The following TENM3 variants were observed in gnomAD, a reference collection of about 807,000 sequenced individuals.
TENM3 encodes the protein teneurin transmembrane protein 3.
In TENM3, 63 loss-of-function variants were observed where a neutral mutation model predicts 255.1. The ratio of observed to expected loss-of-function variants is 0.25; its 90% confidence interval spans 0.20 to 0.30. The LOEUF is 0.30. Among genes scored for constraint, TENM3 ranks in the 10% least tolerant of loss-of-function variants. The pLI, the probability that TENM3 is intolerant of heterozygous loss-of-function variation, is 1.00. For missense variants in TENM3, 2,929 were observed against 3,461.1 expected, an observed-to-expected ratio of 0.85 and a Z score of 3.86; for synonymous variants, 1,306 against 1,322.3, an observed-to-expected ratio of 0.99 and a Z score of 0.27.
At chr4:182,108,157 C>G in the TENM3 span, among the ~76,000 whole-genome samples, 1 of 152,180 alleles carries the variant, frequency 6.6e-6, no homozygotes, top group Non-Finnish European at 1.5e-5. Context: ...CAGCCTGCAC[C>G]GTACCCTGCT....
the TENM3 span, among the ~76,000 whole-genome samples, chr4:182,071,288 T>C: frequency 1.3e-5 from 2 of 152,140 alleles, no homozygotes; most frequent in African/African-American, 4.8e-5. Context: ...TTGAGACATC[T>C]CCAAATGTGA....
At chr4:181,561,776 C>A in the TENM3 span, among the ~76,000 whole-genome samples, 3 of 152,278 alleles carry the variant, frequency 2.0e-5, no homozygotes, top group African/African-American at 7.2e-5. Context: ...TTCTGTTATT[C>A]TCAGATAAAT....
rs185060435 is a variant in TENM3 at position 182,354,952 on chromosome 4, G to A, written c.511+8023G>A. Among the ~76,000 whole-genome samples the A allele has an allele frequency of 1.0e-3, 158 of 152,294 alleles. 1 individual carries two copies. Among genetic ancestry groups the A allele is most frequent in the Non-Finnish European group, 4.0e-4 (27 of 68,026 alleles). ...ATAAATGCTGGATATGGTACCAGGTGCTGGAAAAACAAAAATGAGTAAGAT... is the reference window on the plus strand; with the variant it reads ...ATAAATGCTGGATATGGTACCAGGTACTGGAAAAACAAAAATGAGTAAGAT... On this transcript the variant is annotated intron_variant, in intron 3 of 27. Transcript: ENST00000511685.
intron 3 of TENM3, among the ~76,000 whole-genome samples, chr4:182,544,550 T>A (rs1046038206): frequency 1.8e-4 from 28 of 152,034 alleles, no homozygotes; most frequent in Middle Eastern, 6.8e-3. Context: ...AGGCTGGTCT[T>A]GAACTCCTGA....
At chr4:181,818,663 GCAGT>G in the TENM3 span, among the ~76,000 whole-genome samples, 2 of 150,088 alleles carry the variant, frequency 1.3e-5, no homozygotes, top group South Asian at 4.2e-4. Context: ...AGGCTGGAGT[GCAGT>G]GGTGTGATCT....
chr4:181,478,356 G>T, the TENM3 span, among the ~76,000 whole-genome samples: 1 of 152,084 alleles, frequency 6.6e-6, no homozygotes, highest in Non-Finnish European at 1.5e-5. Flanking sequence ...CATTAAAATG[G>T]CATCTTTAAG....
At chr4:181,559,106 A>C in the TENM3 span, among the ~76,000 whole-genome samples, 1 of 152,168 alleles carries the variant, frequency 6.6e-6, no homozygotes, top group Non-Finnish European at 1.5e-5. Context: ...TTAAAAAAAA[A>C]ATGATATACA....
intron 3 of TENM3, among the ~76,000 whole-genome samples, chr4:182,566,744 A>G (rs1418450301): frequency 6.6e-6 from 1 of 152,204 alleles, no homozygotes; most frequent in Non-Finnish European, 1.5e-5. Flanking sequence ...ATATGCCCTC[A>G]TGCCTCCACA....
At chr4:181,961,244 A>G in the TENM3 span, among the ~76,000 whole-genome samples, 5 of 152,228 alleles carry the variant, frequency 3.3e-5, no homozygotes, top group Non-Finnish European at 7.3e-5. Context: ...AGCACCACGT[A>G]ACTAAGCCAA....
the TENM3 span, among the ~76,000 whole-genome samples, chr4:181,633,910 C>A: frequency 6.6e-6 from 1 of 152,256 alleles, no homozygotes; most frequent in Non-Finnish European, 1.5e-5. Flanking sequence ...ATGCAATATG[C>A]CATTTTTTAT....
At chr4:182,487,517 C>T (rs774828394) in intron 3 of TENM3, among the ~76,000 whole-genome samples, 1 of 151,934 alleles carries the variant, frequency 6.6e-6, no homozygotes, top group Non-Finnish European at 1.5e-5. Flanking sequence ...TATTTGGAAC[C>T]TTGGTGTATT....
intron 1 of TENM3, among the ~76,000 whole-genome samples, chr4:182,323,172 T>A (rs188549433): frequency 6.6e-6 from 1 of 152,278 alleles, no homozygotes; most frequent in East Asian, 1.9e-4. Flanking sequence ...AGAGAGTTTT[T>A]AAGCAGAGCA....
the TENM3 span, among the ~76,000 whole-genome samples, chr4:181,899,032 T>C: frequency 6.6e-6 from 1 of 152,150 alleles, no homozygotes; most frequent in Non-Finnish European, 1.5e-5. Flanking sequence ...ATATTATTCA[T>C]TGTAATAGAG....
the TENM3 span, among the ~76,000 whole-genome samples, chr4:182,055,349 C>CAATAAATAAATAAATAAATA: frequency 8.3e-3 from 1,234 of 148,864 alleles, 24 homozygotes; most frequent in African/African-American, 0.027. Flanking sequence ...TGTCTCAAAA[C>CAATAAATAAATAAATAAATA]AATAAATAAA....
chr4:182,798,963 C>G (rs1766695152), intron 27 of TENM3, among the ~76,000 whole-genome samples: 1 of 152,216 alleles, frequency 6.6e-6, no homozygotes, highest in Admixed American at 6.5e-5. Flanking sequence ...AGACGGTCCA[C>G]TGTCCCTAAG....
At chr4:182,669,639 CATT>C (rs1018712049) in intron 6 of TENM3, among the ~76,000 whole-genome samples, 1 of 152,074 alleles carries the variant, frequency 6.6e-6, no homozygotes, top group Non-Finnish European at 1.5e-5. Context: ...TATGTCCTGA[CATT>C]GTAAGTATAT....
chr4:182,051,270 G>A, the TENM3 span, among the ~76,000 whole-genome samples: 1 of 151,706 alleles, frequency 6.6e-6, no homozygotes, highest in African/African-American at 2.4e-5. Context: ...TTGAAACTGG[G>A]AGGTGGAGGT....
At chr4:181,920,347 C>A in the TENM3 span, among the ~76,000 whole-genome samples, 4 of 151,756 alleles carry the variant, frequency 2.6e-5, no homozygotes, top group African/African-American at 9.7e-5. Flanking sequence ...TACAGTCCCA[C>A]CAACAGTGTA....
chr4:181,896,275 A>G, the TENM3 span, among the ~76,000 whole-genome samples: 1 of 152,176 alleles, frequency 6.6e-6, no homozygotes, highest in East Asian at 1.9e-4. Context: ...TTTCGTTTCT[A>G]TAAAACTGAC....
Sources: allele counts gnomAD v4.1 joint callset (sites outside exome capture counted in the v4.1 genomes callset), GRCh38; gene constraint gnomAD v4.1.1; transcripts MANE v1.5; gene names NCBI Gene and HGNC (gene_info 2026-07-23, HGNC 2026-07-21).